The following PRIM2 variants were observed in gnomAD, a reference collection of about 807,000 sequenced individuals.
The protein encoded by PRIM2 is DNA primase subunit 2.
Under a neutral mutation model 67.3 loss-of-function variants are expected in PRIM2, and 39 were observed. The ratio of observed to expected loss-of-function variants is 0.58; its 90% CI spans 0.45 to 0.76. The LOEUF is 0.76. Ranked by LOEUF, PRIM2 falls within the 30% of genes least tolerant of loss-of-function variation. The pLI, the probability that PRIM2 is intolerant of heterozygous loss-of-function variation, is 0.00. For synonymous variants in PRIM2, 143 were observed against 198.7 expected, an observed-to-expected ratio of 0.72 and a Z score of 2.36; for missense variants, 398 against 598.7, an observed-to-expected ratio of 0.66 and a Z score of 3.50.
intron 5 of PRIM2, among the ~76,000 whole-genome samples, chr6:57,374,559 TG>T (rs1279221020): frequency 6.6e-6 from 1 of 150,996 alleles, no homozygotes; most frequent in Non-Finnish European, 1.5e-5. Context: ...CCCAAAGTGC[TG>T]GGATTACAGG....
At chr6:57,512,060 C>T (rs1554347754) in intron 8 of PRIM2, among the ~76,000 whole-genome samples, 2 of 151,964 alleles carry the variant, frequency 1.3e-5, no homozygotes, top group African/African-American at 2.4e-5. Flanking sequence ...ATGGGCAGTG[C>T]GGGAGTTGGG....
the PRIM2 span, among the ~76,000 whole-genome samples, chr6:57,294,515 C>A: frequency 6.6e-6 from 1 of 151,708 alleles, no homozygotes; most frequent in African/African-American, 2.4e-5. Flanking sequence ...CAAACCAAAA[C>A]AGAACAAAAG....
intron 10 of PRIM2, among the ~76,000 whole-genome samples, chr6:57,548,254 CAAAGTTAGAGCAGGAGTGCCA>C (rs1172644528): frequency 2.0e-5 from 3 of 152,058 alleles, no homozygotes; most frequent in Non-Finnish European, 4.4e-5. Flanking sequence ...TGAGAAGTGC[CAAAGTTAGAGCAGGAGTGCCA>C]AAAGTTAGAG....
intron 7 of PRIM2, among the ~76,000 whole-genome samples, chr6:57,442,628 A>T (rs1581908830): frequency 1.3e-5 from 2 of 152,046 alleles, no homozygotes; most frequent in Admixed American, 6.5e-5. Context: ...TCATTGTTGT[A>T]GTAATTTTAC....
At chr6:57,538,564 G>A (rs1487565644) in intron 10 of PRIM2, among the ~76,000 whole-genome samples, 7 of 152,100 alleles carry the variant, frequency 4.6e-5, no homozygotes, top group Admixed American at 2.0e-4. Context: ...AGTAAATTAT[G>A]GAAGAAAGAA....
At chr6:57,331,081 A>G (rs1161187786) in intron 5 of PRIM2, among the ~76,000 whole-genome samples, 1 of 151,788 alleles carries the variant, frequency 6.6e-6, no homozygotes, top group African/African-American at 2.4e-5. Flanking sequence ...CCAGCTACTC[A>G]GGAGGCTGAG....
intron 7 of PRIM2, among the ~76,000 whole-genome samples, chr6:57,488,427 TATACACCAGG>T (rs1486451845): frequency 1.3e-5 from 2 of 152,238 alleles, no homozygotes; most frequent in Non-Finnish European, 2.9e-5. Context: ...AACTTTAGTC[TATACACCAGG>T]GTTTCAAAGC....
At chr6:57,380,641 T>C (rs1210208524) in intron 6 of PRIM2, among the ~76,000 whole-genome samples, 1 of 152,072 alleles carries the variant, frequency 6.6e-6, no homozygotes, top group Non-Finnish European at 1.5e-5. Flanking sequence ...TTGAAAAGAA[T>C]GTGCTAATTA....
At chr6:57,305,237 A>T in the PRIM2 span, among the ~76,000 whole-genome samples, 1 of 152,332 alleles carries the variant, frequency 6.6e-6, no homozygotes, top group East Asian at 1.9e-4. Context: ...TGTGATCAGG[A>T]ATTTCAATGG....
At chr6:57,434,304 A>G (rs1562750567) in intron 7 of PRIM2, among the ~76,000 whole-genome samples, 1 of 152,018 alleles carries the variant, frequency 6.6e-6, no homozygotes, top group Non-Finnish European at 1.5e-5. Flanking sequence ...AGCACTTAGA[A>G]CAGTACCTTG....
chr6:57,486,765 A>G (rs1773762179), intron 7 of PRIM2, among the ~76,000 whole-genome samples: 1 of 152,262 alleles, frequency 6.6e-6, no homozygotes, highest in Non-Finnish European at 1.5e-5. Context: ...TAGCATTGAC[A>G]TAGGAATTAT....
chr6:57,594,015 A>G, intron 10 of PRIM2, among the ~76,000 whole-genome samples: 1 of 152,196 alleles, frequency 6.6e-6, no homozygotes, highest in Non-Finnish European at 1.5e-5. Flanking sequence ...CTTGTATCTA[A>G]TTAAATTCAA....
chr6:57,264,072 A>G, the PRIM2 span, among the ~76,000 whole-genome samples: 3 of 152,206 alleles, frequency 2.0e-5, no homozygotes, highest in South Asian at 4.1e-4. Flanking sequence ...AGCTGGTTAT[A>G]GCTTGCCTTG....
chr6:57,583,944 C>T (rs1215467449), intron 10 of PRIM2, among the ~76,000 whole-genome samples: 20 of 152,404 alleles, frequency 1.3e-4, no homozygotes, highest in African/African-American at 4.8e-4. Context: ...GCATACCTTA[C>T]AGTTAGTGAA....
intron 7 of PRIM2, among the ~76,000 whole-genome samples, chr6:57,446,772 G>A (rs1772381432): frequency 6.6e-6 from 1 of 152,184 alleles, no homozygotes; most frequent in South Asian, 2.1e-4. Context: ...AAGGTGAGTT[G>A]CGAGTCAGCT....
intron 6 of PRIM2, 60 bp downstream of exon 6, chr6:57,380,056 A>G (rs1439441471): frequency 1.0e-5 from 14 of 1,366,122 alleles, no homozygotes; most frequent in Admixed American, 4.4e-5. Flanking sequence ...TGAGCTTTAT[A>G]TACATATTTA....
At chr6:57,421,827 G>A (rs1191797196) in intron 7 of PRIM2, among the ~76,000 whole-genome samples, 1 of 152,126 alleles carries the variant, frequency 6.6e-6, no homozygotes, top group African/African-American at 2.4e-5. Context: ...CATTCAAAGA[G>A]CAGTCTCTTT....
intron 7 of PRIM2, among the ~76,000 whole-genome samples, chr6:57,443,519 T>A (rs564107641): frequency 4.6e-5 from 7 of 151,962 alleles, no homozygotes; most frequent in Middle Eastern, 3.4e-3. Context: ...GAACATTTTT[T>A]AAAAAATGTG....
chr6:57,362,983 C>T (rs1769247259), intron 5 of PRIM2, among the ~76,000 whole-genome samples: 1 of 152,164 alleles, frequency 6.6e-6, no homozygotes, highest in African/African-American at 2.4e-5. Flanking sequence ...GTTGTGAAAG[C>T]ATGCTTACTC....
Sources: allele counts gnomAD v4.1 joint callset (sites outside exome capture counted in the v4.1 genomes callset), GRCh38; gene constraint gnomAD v4.1.1; transcripts MANE v1.5; gene names NCBI Gene and HGNC (gene_info 2026-07-23, HGNC 2026-07-21).